Variants in NPC1 observed in about 807,000 individuals in gnomAD.
The protein encoded by NPC1 is Niemann-Pick C1 protein.
In NPC1, 85 loss-of-function variants were observed where a neutral mutation model predicts 140.4. The ratio of observed to expected loss-of-function variants is 0.61; its 90% CI spans 0.51 to 0.72. The LOEUF is 0.72. Ranked by LOEUF, NPC1 falls within the 30% of genes least tolerant of loss-of-function variation. The pLI is 0.00. For synonymous variants in NPC1, 656 were observed against 624.8 expected (o/e 1.05, Z -0.74); for missense variants, 1,504 against 1,623.8 (o/e 0.93, Z 1.27).
At chr18:23,568,532 T>TA (rs1267284932) in intron 4 of NPC1, among the ~76,000 whole-genome samples, 2 of 152,228 alleles carry the variant, frequency 1.3e-5, no homozygotes, top group Non-Finnish European at 2.9e-5. Context: ...TCATGTCTGT[T>TA]AGAGTCAAAG....
At chr18:23,509,794 G>A (rs1338142542) in intron 3 of NPC1, 1 of 151,932 alleles carries the variant, frequency 6.6e-6, no homozygotes, top group Non-Finnish European at 1.5e-5. Flanking sequence ...CCCGACCTCA[G>A]GTGATCCACC....
intron 1 of NPC1, among the ~76,000 whole-genome samples, chr18:23,580,955 C>G (rs747962642): frequency 2.2e-4 from 33 of 152,192 alleles, no homozygotes; most frequent in Non-Finnish European, 3.2e-4. Flanking sequence ...ATCTACATAA[C>G]AAAGGATAAT....
At chr18:23,529,464 C>G (rs2058417727), downstream of NPC1, 1 of 1,270,586 alleles carries the variant, frequency 7.9e-7, no homozygotes, top group African/African-American at 1.5e-5. Flanking sequence ...AATGCTGAGG[C>G]CTAAAGCATA....
downstream of NPC1, among the ~76,000 whole-genome samples, chr18:23,521,383 A>C (rs1236546722): frequency 6.6e-6 from 1 of 152,214 alleles, no homozygotes; most frequent in Non-Finnish European, 1.5e-5. Flanking sequence ...GTAACGCTGA[A>C]ATTAACTTTG....
At chr18:23,517,287 C>G (rs1210506131) in intron 3 of NPC1, among the ~76,000 whole-genome samples, 1 of 151,546 alleles carries the variant, frequency 6.6e-6, no homozygotes, top group Non-Finnish European at 1.5e-5. Flanking sequence ...GTAGCTGGGA[C>G]TACAGGTGCG....
chr18:23,529,661 C>T (rs768318483), downstream of NPC1: 16 of 1,613,868 alleles, frequency 9.9e-6, no homozygotes, highest in African/African-American at 8.0e-5. Flanking sequence ...TTGTGATAGC[C>T]GTGCTGATGG....
intron 1 of NPC1, among the ~76,000 whole-genome samples, chr18:23,523,479 G>A (rs765931826): frequency 5.4e-5 from 8 of 147,622 alleles, no homozygotes; most frequent in Non-Finnish European, 1.2e-4. Context: ...GGGAGGCTGA[G>A]GTGGGCAGAT....
At chr18:23,508,029 A>G in intron 3 of NPC1, 1 of 1,610,976 alleles carries the variant, frequency 6.2e-7, no homozygotes, top group Middle Eastern at 1.7e-4. Context: ...TGGAATACAC[A>G]CAGGAGTGCA....
At chr18:23,577,451 G>C (rs1336125780) in intron 1 of NPC1, among the ~76,000 whole-genome samples, 11 of 151,544 alleles carry the variant, frequency 7.3e-5, no homozygotes, top group Non-Finnish European at 1.2e-4. Flanking sequence ...GTGTTGATTG[G>C]TGCACTCACA....
At chr18:23,573,999 A>G (rs1020105848) in intron 1 of NPC1, among the ~76,000 whole-genome samples, 6 of 152,214 alleles carry the variant, frequency 3.9e-5, no homozygotes, top group African/African-American at 1.4e-4. Context: ...TCAATACATC[A>G]TGAGTAACAT....
intron 5 of NPC1, 61 bp downstream of exon 5, chr18:23,561,299 C>A: frequency 1.9e-6 from 3 of 1,576,482 alleles, no homozygotes; most frequent in South Asian, 1.1e-5. Context: ...CTGTGCCCAG[C>A]CAGTTCCTTG....
chr18:23,535,528 C>T lies in NPC1; in HGVS notation c.3418G>A (p.Gly1140Arg). ...TIAMVLVNMF[G>R]VMWLWGISLN... ...CTGATGCCCCAGAGCCACATAACTC[C>T]AAACATGTTGACCAAGACCATGGCG... Residue 1140 changes from glycine to arginine, a missense_variant, in exon 22 of 25, where the codon GGA (glycine) becomes AGA (arginine). Coordinates refer to ENST00000269228, the MANE Select transcript of NPC1 (RefSeq NM_000271.5). The T allele has an allele frequency of 6.2e-7, 1 of 1,614,054 alleles. No individual in the cohort carries two copies. Among genetic ancestry groups the T allele is most frequent in the Non-Finnish European group, 8.5e-7 (1 of 1,179,986 alleles).
intron 3 of NPC1, 48 bp from the exon 4 acceptor site, chr18:23,569,046 G>A (rs1253758551): frequency 5.3e-6 from 7 of 1,328,018 alleles, no homozygotes; most frequent in Middle Eastern, 2.4e-4. Flanking sequence ...ACATAATAGG[G>A]CCAGCAAGAA....
chr18:23,532,440 C>A (rs2058543608), intron 24 of NPC1, among the ~76,000 whole-genome samples, 156 bp from the exon 25 acceptor site: 1 of 152,148 alleles, frequency 6.6e-6, no homozygotes, highest in African/African-American at 2.4e-5. Flanking sequence ...CATCTCTCTC[C>A]CTCTCTTTTG....
At chr18:23,557,699 G>A (rs144892142) in intron 6 of NPC1, among the ~76,000 whole-genome samples, 4,820 of 152,192 alleles carry the variant, frequency 0.032, 258 homozygotes, top group African/African-American at 0.11. Context: ...CTGAGATCGC[G>A]CCACTGCATT....
At chr18:23,567,322 T>G (rs979398086) in intron 4 of NPC1, among the ~76,000 whole-genome samples, 1 of 152,190 alleles carries the variant, frequency 6.6e-6, no homozygotes, top group Non-Finnish European at 1.5e-5. Flanking sequence ...CGTCTTGAAT[T>G]TTTGCCATTC....
At position 23,532,724 on chromosome 18, in the gene NPC1, C is replaced by A. The variant is rs376701269; in HGVS notation, c.3755-440G>T. Among the ~76,000 whole-genome samples the A allele has an allele frequency of 2.8e-4, 37 of 129,888 alleles. No individual in the cohort carries two copies. In the South Asian group the frequency reaches 8.4e-3, roughly 29 times the overall value. The allele number at this position is 129,888 out of a possible 152,430, so 85.2% of individuals were successfully genotyped here. ...TTTTTTTTTTTTTTCTTAAAAGGAA[C>A]TAGTATATTAGATTGTAATAGAACT... is the stretch of plus-strand genomic sequence containing the variant. On this transcript the variant is annotated intron_variant, in intron 24 of 24. Coordinates refer to ENST00000269228, the MANE Select transcript of NPC1 (RefSeq NM_000271.5).
At chr18:23,553,419 C>G (rs1350668154) in intron 9 of NPC1, among the ~76,000 whole-genome samples, 2 of 152,118 alleles carry the variant, frequency 1.3e-5, no homozygotes, top group African/African-American at 2.4e-5. Flanking sequence ...ATGAGTATAA[C>G]TCATGTTTTT....
At chr18:23,530,981 A>G (rs958602389), downstream of NPC1, among the ~76,000 whole-genome samples, 1 of 152,068 alleles carries the variant, frequency 6.6e-6, no homozygotes, top group African/African-American at 2.4e-5. Flanking sequence ...TTTATGAAGT[A>G]TACATTGGTT....
Sources: allele counts gnomAD v4.1 joint callset (sites outside exome capture counted in the v4.1 genomes callset), GRCh38; gene constraint gnomAD v4.1.1; transcripts MANE v1.5; gene names NCBI Gene and HGNC (gene_info 2026-07-23, HGNC 2026-07-21).